ZNF512B: variants seen among roughly 807,000 people sequenced by gnomAD.
ZNF512B encodes zinc finger protein 512B.
A neutral mutation model predicts 87.8 loss-of-function variants in ZNF512B; 22 were observed. That is an observed-to-expected ratio of 0.25 (90% CI 0.18 to 0.36). The LOEUF is 0.36. ZNF512B is among the 10% of genes least tolerant of loss of function. The pLI is 1.00. For missense variants in ZNF512B, 1,060 were observed against 1,231.6 expected, an observed-to-expected ratio of 0.86 and a Z score of 2.09; for synonymous variants, 524 against 490.9, an observed-to-expected ratio of 1.07 and a Z score of -0.89.
chr20:63,962,662 C>T lies in ZNF512B; in HGVS notation c.2088G>A (p.Glu696=). Reference sequence around the variant, plus strand: ...CGCGGGCCAGCTCGTCCTCCGCTATCTCCTGCAGGTGGAACACCGCCACCT... The same window carrying T: ...CGCGGGCCAGCTCGTCCTCCGCTATTTCCTGCAGGTGGAACACCGCCACCT... ...SAQVAVFHLQ[E]IAEDELARDW... is the part of the protein sequence containing the mutation. Residue 696 remains glutamate, a synonymous_variant, in exon 13 of 17, where the codon GAG becomes GAA. Transcript: ENST00000369888. 2 of 1,606,756 alleles carry T rather than the reference C, an allele frequency of 1.2e-6. No homozygotes were observed. The highest frequency in any genetic ancestry group is 1.7e-6 in the Non-Finnish European group (2 of 1,178,030).
rs758953403 is a variant in ZNF512B, at chr20:63,962,045, A to AC, written c.2266-42dup. Reference sequence around the variant, plus strand: ...CCGTGGGCGAAGGCCTCTGGTGGGCACCCCACACCAAGATATACCCCTGCC... The same window carrying AC: ...CCGTGGGCGAAGGCCTCTGGTGGGCACCCCCACACCAAGATATACCCCTGCC... On this transcript the variant is annotated intron_variant, in intron 14 of 16. Transcript: ENST00000369888. 90 of 1,544,366 alleles carry AC rather than the reference A, an allele frequency of 5.8e-5. No homozygotes were observed. The South Asian group carries it at 9.9e-4, about 17-fold the overall frequency.
At chr20:63,969,455 C>T (rs1015363662) in intron 1 of ZNF512B, among the ~76,000 whole-genome samples, 4 of 151,524 alleles carry the variant, frequency 2.6e-5, no homozygotes, top group Non-Finnish European at 4.4e-5. Flanking sequence ...GACCCCGGCC[C>T]AGGCCTGGCG....
At position 63,957,425 on chromosome 20, in the gene ZNF512B, TG is replaced by T. The variant is rs922450063; in HGVS notation, c.*2462del. 6.6e-6 allele frequency: 1 copy of T among 151,962 alleles called. No homozygotes were observed. Among genetic ancestry groups the T allele is most frequent in the Non-Finnish European group, 1.5e-5 (1 of 67,918 alleles). The allele number at this position is 151,962 out of a possible 1,614,324, so 9.4% of individuals were successfully genotyped here. On this transcript the variant is annotated 3_prime_UTR_variant, in exon 17 of 17. Transcript: ENST00000369888. Reference sequence around the variant, plus strand: ...GGCCTATGTGGGCCAGCGTAGGGAGTGGGCAGACCCTGCTGAGCTCCACCCA... The same window carrying T: ...GGCCTATGTGGGCCAGCGTAGGGAGTGGCAGACCCTGCTGAGCTCCACCCA...
chr20:63,969,568 G>C (rs2058959731), intron 1 of ZNF512B, among the ~76,000 whole-genome samples: 2 of 148,194 alleles, frequency 1.3e-5, no homozygotes, highest in Non-Finnish European at 3.0e-5. Flanking sequence ...CGGCCTGGCC[G>C]GGCAGGGCCG....
In ZNF512B at chr20:63,961,219, G is replaced by T; in HGVS notation, c.2427+90C>A. On this transcript the variant is annotated intron_variant, in intron 16 of 16. Transcript: ENST00000369888. The surrounding 1 kb of genome is among the most constrained non-coding windows in gnomAD (Gnocchi z 6.4). ...CCAGGCACACCCCATGCAGGCCACT[G>T]ACCTCTCTACCCCCAAGGGGTGCCC... The T allele has an allele frequency of 8.3e-7, 1 of 1,208,020 alleles. No homozygotes were observed. Among genetic ancestry groups the T allele is most frequent in the Non-Finnish European group, 1.2e-6 (1 of 831,998 alleles). The allele number at this position is 1,208,020 out of a possible 1,614,324, so 74.8% of individuals were successfully genotyped here.
At chr20:63,968,995 TG>T in intron 1 of ZNF512B, 1 of 509,304 alleles carries the variant, frequency 2.0e-6, no homozygotes, top group Non-Finnish European at 2.5e-6. Context: ...CTAATTAACT[TG>T]GATCCGAGGG....
chr20:63,967,986 C>T (rs143230244), intron 1 of ZNF512B, 34 bp from the exon 2 acceptor site: 363 of 1,582,310 alleles, frequency 2.3e-4, no homozygotes, highest in Non-Finnish European at 2.8e-4. Flanking sequence ...TGAAGCCTGA[C>T]GGGCCCCACT....
chr20:63,962,118 G>A, intron 14 of ZNF512B, 114 bp from the exon 15 acceptor site: 2 of 1,343,228 alleles, frequency 1.5e-6, no homozygotes, highest in South Asian at 2.6e-5. Flanking sequence ...GAGGGGGTGT[G>A]AGTCCTGGGG....
chr20:63,962,120 G>A, intron 14 of ZNF512B, 116 bp from the exon 15 acceptor site: 2 of 1,348,900 alleles, frequency 1.5e-6, no homozygotes, highest in South Asian at 1.3e-5. Context: ...GGGGGTGTGA[G>A]TCCTGGGGAC....
At position 63,961,963 on chromosome 20, in the gene ZNF512B, A is replaced by G; in HGVS notation, c.2307T>C (p.Ala769=). 3.2e-6 allele frequency: 5 copies of G among 1,551,002 alleles called. No homozygotes were observed. The highest frequency in any genetic ancestry group is 4.4e-6 in the Non-Finnish European group (5 of 1,146,898). Residue 769 remains alanine (A), a synonymous_variant, in exon 15 of 17, where the codon GCT becomes GCC. Coordinates refer to ENST00000369888, the MANE Select transcript of ZNF512B (RefSeq NM_020713.3). The surrounding 1 kb of genome is among the most constrained non-coding windows in gnomAD (Gnocchi z 6.4). Reference sequence around the variant, plus strand: ...TGACCTTACTGCAGCTGGCGAGATGAGCCTTGAGTCCGGACACGCTGGAGT... The same window carrying G: ...TGACCTTACTGCAGCTGGCGAGATGGGCCTTGAGTCCGGACACGCTGGAGT... ...AIYSSVSGLK[A]HLASCSKGAH...
At position 63,967,395 on chromosome 20, in the gene ZNF512B, G is replaced by A; in HGVS notation, c.250C>T (p.Leu84Phe). ...AGGGAGCTCACAGGAATGTCTCGGA[G>A]GGCCTGGTTCTCGGCTTTTGGCCGC... ...KGRPKAENQA[L>F]RDIPLSLMND... Residue 84 changes from leucine (L) to phenylalanine (F), a missense_variant, in exon 3 of 17, where the codon CTC becomes TTC. Transcript: ENST00000369888. 6.2e-7 allele frequency: 1 copy of A among 1,610,100 alleles called. No individual in the cohort carries two copies. Among genetic ancestry groups the A allele is most frequent in the Non-Finnish European group, 8.5e-7 (1 of 1,177,586 alleles).
Position 63,967,651 on chromosome 20 carries a change from G to A in ZNF512B, c.122-128C>T, listed in dbSNP as rs1453269882. 12 of 1,482,346 alleles carry A rather than the reference G, an allele frequency of 8.1e-6. 1 individual carries two copies. In the Admixed American group the frequency reaches 1.1e-4, roughly 13 times the overall value. The allele number at this position is 1,482,346 out of a possible 1,614,324, so 91.8% of individuals were successfully genotyped here. A position where few individuals can be genotyped will look rare whatever the true frequency, so the allele number is the denominator to read the frequency against. ...CCGGGGGCAGGGGCTGCGGCCAGCT[G>A]AGGACAAGAACCCAGGACCCTGGGC... On this transcript the variant is annotated intron_variant, in intron 2 of 16. Transcript: ENST00000369888.
intron 2 of ZNF512B, 142 bp downstream of exon 2, chr20:63,967,688 C>T: frequency 6.8e-7 from 1 of 1,480,222 alleles, no homozygotes; most frequent in South Asian, 1.3e-5. Context: ...ATGTCCAAGG[C>T]AACCCCTACC....
At chr20:63,962,895 G>GA in intron 12 of ZNF512B, 114 bp from the exon 13 acceptor site, 1 of 1,288,098 alleles carries the variant, frequency 7.8e-7, no homozygotes, top group Non-Finnish European at 1.0e-6. Flanking sequence ...AGTGTGCTGG[G>GA]GACATGGCTG....
In ZNF512B at chr20:63,959,592, C is replaced by A; in HGVS notation, c.*296G>T. 4.6e-6 allele frequency: 2 copies of A among 433,528 alleles called. No homozygotes were observed. Among genetic ancestry groups the A allele is most frequent in the Non-Finnish European group, 8.1e-6 (2 of 246,420 alleles). The allele number at this position is 433,528 out of a possible 1,614,324, so 26.9% of individuals were successfully genotyped here. ...AAGGCCATCTGCCTACTCTGCGCTGCAGCCCCTGTGGCACCAAGACCCCAG... is the reference window on the plus strand; with the variant it reads ...AAGGCCATCTGCCTACTCTGCGCTGAAGCCCCTGTGGCACCAAGACCCCAG... On this transcript the variant is annotated 3_prime_UTR_variant, in exon 17 of 17. Transcript: ENST00000369888.
intron 2 of ZNF512B, 49 bp from the exon 3 acceptor site, chr20:63,967,572 C>T (rs947896396): frequency 6.5e-7 from 1 of 1,537,532 alleles, no homozygotes; most frequent in Non-Finnish European, 8.8e-7. Flanking sequence ...GCACCGCCTA[C>T]CACCGGCGGC....
chr20:63,962,974 G>T, intron 12 of ZNF512B, 121 bp downstream of exon 12: 1 of 1,344,400 alleles, frequency 7.4e-7, no homozygotes, highest in Non-Finnish European at 9.9e-7. Context: ...CTCTTACAGA[G>T]AGGGGTGGGA....
At position 63,964,059 on chromosome 20, in the gene ZNF512B, G is replaced by A; in HGVS notation, c.1480+12C>T. 6.2e-7 allele frequency: 1 copy of A among 1,604,890 alleles called. No homozygotes were observed. Among genetic ancestry groups the A allele is most frequent in the Non-Finnish European group, 8.5e-7 (1 of 1,179,084 alleles). On this transcript the variant is annotated intron_variant, in intron 8 of 16. Transcript: ENST00000369888. ...CTAGAGCTGCCCTGAGCCCCTGCCA[G>A]GCAGCCCCTACCTGGAGCTGGGTGG... is the stretch of plus-strand genomic sequence containing the variant.
At position 63,966,240 on chromosome 20, in the gene ZNF512B, A is replaced by G. The variant is rs1208933128; in HGVS notation, c.935T>C (p.Ile312Thr). The G allele has an allele frequency of 6.2e-7, 1 of 1,613,964 alleles. No individual in the cohort carries two copies. Among genetic ancestry groups the G allele is most frequent in the Non-Finnish European group, 8.5e-7 (1 of 1,180,016 alleles). Residue 312 changes from isoleucine (I) to threonine (T), a missense_variant, in exon 5 of 17, where the codon ATT becomes ACT. Coordinates refer to ENST00000369888, the MANE Select transcript of ZNF512B (RefSeq NM_020713.3). ...VSKPVTVSRP[I>T]AISRHTPPCK... ...GGGCGGTGTGTGTCTGCTGATAGCAATGGGCCTGCTGACTGTCACCGGCTT... is the reference window on the plus strand; with the variant it reads ...GGGCGGTGTGTGTCTGCTGATAGCAGTGGGCCTGCTGACTGTCACCGGCTT...
Sources: gnomAD v4.1 joint callset for allele counts (sites outside exome capture counted in the v4.1 genomes callset) on GRCh38, gnomAD v4.1.1 for gene constraint, Gnocchi (gnomAD v3.1) non-coding constraint, MANE v1.5 for transcripts, NCBI Gene and HGNC (gene_info 2026-07-23, HGNC 2026-07-21) for gene names.